FAM78B: variants seen among roughly 807,000 people sequenced by gnomAD.
FAM78B encodes protein FAM78B.
Under a neutral mutation model 20.0 loss-of-function variants are expected in FAM78B, and 10 were observed. That is an observed-to-expected ratio of 0.50 (90% confidence interval 0.31 to 0.85). The LOEUF (loss-of-function observed/expected upper bound fraction) is 0.85. Ranked by LOEUF, FAM78B falls within the 40% of genes least tolerant of loss-of-function variation. FAM78B has a pLI of 0.05. For synonymous variants in FAM78B, 135 were observed against 132.8 expected (o/e 1.02, Z -0.12); for missense variants, 283 against 345.0 (o/e 0.82, Z 1.42).
chr1:166,073,250 C>T (rs1396115601), intron 1 of FAM78B, among the ~76,000 whole-genome samples: 1 of 152,160 alleles, frequency 6.6e-6, no homozygotes, highest in African/African-American at 2.4e-5. Flanking sequence ...ACTTTAGTTC[C>T]ATCCACACTG....
At chr1:166,162,239 G>T (rs1193370600) in intron 1 of FAM78B, among the ~76,000 whole-genome samples, 1 of 152,214 alleles carries the variant, frequency 6.6e-6, no homozygotes, top group East Asian at 1.9e-4. Context: ...ACAGGCAACA[G>T]AGGTGAGCGG....
chr1:166,128,194 CCTT>C (rs2101775429), intron 1 of FAM78B, among the ~76,000 whole-genome samples: 1 of 117,690 alleles, frequency 8.5e-6, no homozygotes, highest in South Asian at 3.5e-4. Flanking sequence ...CAGTTCATCT[CCTT>C]TTATTCCTCT....
chr1:166,109,890 G>GTATATATGTATATATATATATATATATA (rs1557903394), intron 1 of FAM78B, among the ~76,000 whole-genome samples: 1 of 23,186 alleles, frequency 4.3e-5, no homozygotes, highest in Non-Finnish European at 1.1e-4. Context: ...ATGTATATAT[G>GTATATATGTATATATATATATATATATA]TATATATATA....
chr1:166,162,989 C>G (rs1459387759), intron 1 of FAM78B, among the ~76,000 whole-genome samples: 1 of 152,182 alleles, frequency 6.6e-6, no homozygotes, highest in African/African-American at 2.4e-5. Flanking sequence ...CGCTCTCAGG[C>G]ATTTCTTCCA....
intron 1 of FAM78B, among the ~76,000 whole-genome samples, chr1:166,162,282 A>G (rs1208577946): frequency 6.6e-6 from 1 of 152,200 alleles, no homozygotes; most frequent in Non-Finnish European, 1.5e-5. Flanking sequence ...CTTGATTCTG[A>G]AGGAGGAGTA....
At chr1:166,105,444 G>A (rs1049917671) in intron 1 of FAM78B, among the ~76,000 whole-genome samples, 8 of 151,940 alleles carry the variant, frequency 5.3e-5, no homozygotes, top group South Asian at 2.1e-4. Context: ...GAAAATTTTC[G>A]CAACCTACTC....
intron 1 of FAM78B, among the ~76,000 whole-genome samples, chr1:166,083,472 T>C (rs1652661524): frequency 6.6e-6 from 1 of 152,198 alleles, no homozygotes; most frequent in Admixed American, 6.5e-5. Flanking sequence ...TCATTTCTTA[T>C]GTGAATGGGG....
intron 1 of FAM78B, among the ~76,000 whole-genome samples, chr1:166,109,825 T>TAC: frequency 5.9e-5 from 1 of 17,010 alleles, no homozygotes; most frequent in East Asian, 3.3e-3. Flanking sequence ...TATATATATA[T>TAC]ATATATGTAT....
chr1:166,073,389 C>T (rs190080055), intron 1 of FAM78B, among the ~76,000 whole-genome samples: 4 of 152,228 alleles, frequency 2.6e-5, no homozygotes, highest in East Asian at 3.9e-4. Context: ...AAATTCATTA[C>T]GATTTAAGTC....
At chr1:166,088,596 C>T (rs900659686) in intron 1 of FAM78B, among the ~76,000 whole-genome samples, 2 of 152,180 alleles carry the variant, frequency 1.3e-5, no homozygotes, top group East Asian at 1.9e-4. Flanking sequence ...GTATGTGGAA[C>T]GGTAGGTGTC....
chr1:166,119,777 G>C (rs758458574), intron 1 of FAM78B, among the ~76,000 whole-genome samples: 5 of 152,226 alleles, frequency 3.3e-5, no homozygotes, highest in Non-Finnish European at 5.9e-5. Context: ...AAGGACGCGT[G>C]TCGTAAGTGG....
chr1:166,166,178 C>T lies in FAM78B; in HGVS notation c.71G>A (p.Cys24Tyr). The change falls in exon 1 of 2, where the codon TGC becomes TAC. Residue 24 changes from cysteine to tyrosine, a missense_variant. Transcript: ENST00000354422. ...RRENIVVYDVCATIDQCPTRI... is the reference protein window; with the variant it reads ...RRENIVVYDVYATIDQCPTRI... ...CGTGGGGCACTGGTCGATGGTGGCG[C>T]ACACATCGTACACCACGATGTTCTC... 1 of 1,599,890 alleles carries T rather than the reference C, an allele frequency of 6.3e-7. No individual in the cohort carries two copies. The highest frequency in any genetic ancestry group is 8.5e-7 in the Non-Finnish European group (1 of 1,173,116).
intron 1 of FAM78B, among the ~76,000 whole-genome samples, chr1:166,084,237 A>ACTCTCT (rs372134890): frequency 4.8e-5 from 6 of 125,414 alleles, no homozygotes; most frequent in East Asian, 2.3e-4. Context: ...ACACACACAC[A>ACTCTCT]CTCTCTCTCT....
At chr1:166,127,518 T>C (rs1654687671) in intron 1 of FAM78B, among the ~76,000 whole-genome samples, 1 of 152,216 alleles carries the variant, frequency 6.6e-6, no homozygotes, top group South Asian at 2.1e-4. Flanking sequence ...GCAGTCCCTT[T>C]TCTACCAACT....
chr1:166,109,864 ATG>A lies in FAM78B; in HGVS notation c.264-39103_264-39102del, dbSNP rs1270011401. ...TGTATATATATATATATATATATGTATGTGTATATATATATATGTATATATGT... is the reference window on the plus strand; with the variant it reads ...TGTATATATATATATATATATATGTATGTATATATATATATGTATATATGT... On this transcript the variant is annotated intron_variant, in intron 1 of 1. Transcript: ENST00000354422. Among the ~76,000 whole-genome samples, 68 of 14,232 alleles carry A rather than the reference ATG, an allele frequency of 4.8e-3. 10 individuals are homozygous for A. The highest frequency in any genetic ancestry group is 6.3e-3 in the African/African-American group (45 of 7,180). 9.3% of individuals were successfully genotyped at this position (14,232 alleles called of 152,430 possible). A position where few individuals can be genotyped will look rare whatever the true frequency, so the allele number is the denominator to read the frequency against.
intron 1 of FAM78B, among the ~76,000 whole-genome samples, chr1:166,100,797 A>C (rs1320278044): frequency 6.6e-6 from 1 of 152,194 alleles, no homozygotes; most frequent in East Asian, 1.9e-4. Flanking sequence ...GGCAGCAGAA[A>C]CCTCTGCAGA....
At chr1:166,099,356 C>T (rs1653411340) in intron 1 of FAM78B, among the ~76,000 whole-genome samples, 1 of 151,996 alleles carries the variant, frequency 6.6e-6, no homozygotes, top group South Asian at 2.1e-4. Context: ...CAAAAACAAA[C>T]AAACAAAAAA....
At chr1:166,120,773 A>C (rs1243642141) in intron 1 of FAM78B, among the ~76,000 whole-genome samples, 1 of 152,230 alleles carries the variant, frequency 6.6e-6, no homozygotes, top group East Asian at 1.9e-4. Context: ...TGGTGAGCAG[A>C]GGACATCCAC....
intron 1 of FAM78B, among the ~76,000 whole-genome samples, chr1:166,100,405 CCA>C (rs2101746262): frequency 6.6e-6 from 1 of 152,290 alleles, no homozygotes; most frequent in African/African-American, 2.4e-5. Flanking sequence ...ATTGCCTCAC[CCA>C]GGAAGTGCAA....
Sources: gnomAD v4.1 joint callset for allele counts (sites outside exome capture counted in the v4.1 genomes callset) on GRCh38, gnomAD v4.1.1 for gene constraint, MANE v1.5 for transcripts, NCBI Gene and HGNC (gene_info 2026-07-23, HGNC 2026-07-21) for gene names.